The following ANKRD28 variants were observed in gnomAD, a reference collection of about 807,000 sequenced individuals.
ANKRD28 encodes serine/threonine-protein phosphatase 6 regulatory ankyrin repeat subunit A.
ANKRD28 carries 44 observed loss-of-function variants against 126.5 expected under a neutral mutation model. The ratio of observed to expected loss-of-function variants is 0.35; its 90% CI spans 0.27 to 0.45. The LOEUF (loss-of-function observed/expected upper bound fraction) is 0.45. ANKRD28 is among the 20% of genes least tolerant of loss of function. The pLI is 1.00. For missense variants in ANKRD28, 1,110 were observed against 1,316.6 expected (o/e 0.84, Z 2.43); for synonymous variants, 442 against 468.5 (o/e 0.94, Z 0.73).
chr3:15,707,087 A>T (rs150716885), intron 14 of ANKRD28, among the ~76,000 whole-genome samples: 12 of 152,354 alleles, frequency 7.9e-5, no homozygotes, highest in Admixed American at 1.3e-4. Flanking sequence ...TAAATGTTAA[A>T]AACCGAATAA....
chr3:15,848,689 T>C (rs76638168), intron 1 of ANKRD28, among the ~76,000 whole-genome samples: 1 of 150,040 alleles, frequency 6.7e-6, no homozygotes, highest in Non-Finnish European at 1.5e-5. Context: ...AAAAAAAAAA[T>C]ATAGCAGCAG....
chr3:15,761,765 A>C (rs754926116), intron 3 of ANKRD28, among the ~76,000 whole-genome samples: 1 of 152,172 alleles, frequency 6.6e-6, no homozygotes, highest in Non-Finnish European at 1.5e-5. Flanking sequence ...ATCTTCTGTA[A>C]AACTGTCCTA....
At chr3:15,837,705 T>A (rs953029119) in intron 1 of ANKRD28, among the ~76,000 whole-genome samples, 10 of 151,782 alleles carry the variant, frequency 6.6e-5, no homozygotes, top group African/African-American at 2.4e-4. Flanking sequence ...AATTCTCAAG[T>A]GAGCTTCAAC....
rs2061705876 is a variant in ANKRD28, at chr3:15,853,886, C to T, written c.27+5491G>A. The stretch of plus-strand genomic sequence containing the variant: ...AGACACTCTCAATTGTAGATACAAA[C>T]AGGTCATTAATATAGCTATGAGAAA... On this transcript the variant is annotated intron_variant, in intron 1 of 27. Transcript: ENST00000399451. The surrounding 1 kb of genome is among the most constrained non-coding windows in gnomAD (Gnocchi z 4.2). 6.6e-6 allele frequency among the ~76,000 whole-genome samples: 1 copy of T among 152,156 alleles called. No individual in the cohort carries two copies. Among genetic ancestry groups the T allele is most frequent in the African/African-American group, 2.4e-5 (1 of 41,434 alleles).
At chr3:15,793,611 A>G (rs930608541) in intron 2 of ANKRD28, among the ~76,000 whole-genome samples, 1 of 152,234 alleles carries the variant, frequency 6.6e-6, no homozygotes, top group African/African-American at 2.4e-5. Flanking sequence ...AGTATTTGTC[A>G]GTACTATTAA....
At chr3:15,805,651 T>G (rs748858693) in intron 1 of ANKRD28, among the ~76,000 whole-genome samples, 1 of 152,202 alleles carries the variant, frequency 6.6e-6, no homozygotes, top group Admixed American at 6.5e-5. Flanking sequence ...AATTTTGCCC[T>G]TCTTAAAAAA....
intron 1 of ANKRD28, among the ~76,000 whole-genome samples, chr3:15,836,580 C>T (rs1288792651): frequency 6.6e-6 from 1 of 151,992 alleles, no homozygotes; most frequent in African/African-American, 2.4e-5. Context: ...TGCTGTCTAC[C>T]TAACACTTTA....
chr3:15,749,662 TTTAAA>T (rs2057740230), intron 4 of ANKRD28, among the ~76,000 whole-genome samples: 1 of 152,216 alleles, frequency 6.6e-6, no homozygotes. Flanking sequence ...AGGACTACTG[TTTAAA>T]TTATTTTGTC....
chr3:15,734,163 T>G (rs1020803209), intron 6 of ANKRD28, among the ~76,000 whole-genome samples: 2 of 152,246 alleles, frequency 1.3e-5, no homozygotes, highest in African/African-American at 4.8e-5. Flanking sequence ...CATGGCTGAC[T>G]ATGGGACTTC....
intron 4 of ANKRD28, among the ~76,000 whole-genome samples, chr3:15,742,265 C>T (rs1272976572): frequency 1.3e-5 from 2 of 150,762 alleles, no homozygotes; most frequent in African/African-American, 4.9e-5. Context: ...CGTCTCTGCC[C>T]GGCCGCCATC....
At chr3:15,756,360 A>C (rs981178276) in intron 3 of ANKRD28, 1 of 319,100 alleles carries the variant, frequency 3.1e-6, no homozygotes. Context: ...TTTCACCCAT[A>C]TAAAAGTGCA....
intron 10 of ANKRD28, among the ~76,000 whole-genome samples, chr3:15,712,534 T>G (rs892268783): frequency 4.6e-5 from 7 of 152,218 alleles, no homozygotes; most frequent in African/African-American, 1.7e-4. Flanking sequence ...CCAATGGATG[T>G]CATTAACATT....
At chr3:15,723,200 C>A (rs1309391691) in intron 7 of ANKRD28, among the ~76,000 whole-genome samples, 1 of 152,180 alleles carries the variant, frequency 6.6e-6, no homozygotes, top group East Asian at 1.9e-4. Context: ...ATTTTTGCAA[C>A]GTCTTCTTGT....
Position 15,859,436 on chromosome 3 carries a change from C to T in ANKRD28, c.-33G>A, listed in dbSNP as rs1175257923. 2.6e-6 allele frequency: 4 copies of T among 1,510,646 alleles called. No homozygotes were observed. The African/African-American group carries it at 5.8e-5, about 22-fold the overall frequency. 93.6% of individuals were successfully genotyped at this position (1,510,646 alleles called of 1,614,324 possible). ...GCCTCCGCGCCCACTCCAGCCTCCT[C>T]CTCCTCCGCCGCTGCCGCTGCCGCC... On this transcript the variant is annotated 5_prime_UTR_variant, in exon 1 of 28. Coordinates refer to the ANKRD28 transcript ENST00000399451.
intron 7 of ANKRD28, among the ~76,000 whole-genome samples, chr3:15,721,459 A>G (rs2073718845): frequency 6.6e-6 from 1 of 152,234 alleles, no homozygotes. Context: ...AGGATTTACT[A>G]TAGAATTAAT....
intron 1 of ANKRD28, among the ~76,000 whole-genome samples, chr3:15,857,081 T>C (rs2061789130): frequency 6.6e-6 from 1 of 152,238 alleles, no homozygotes; most frequent in African/African-American, 2.4e-5. Flanking sequence ...GTATTTGCTT[T>C]CTATTTCATT....
chr3:15,801,538 G>A (rs1424966123), upstream of ANKRD28, among the ~76,000 whole-genome samples: 1 of 152,138 alleles, frequency 6.6e-6, no homozygotes, highest in African/African-American at 2.4e-5. The surrounding 1 kb of genome is among the most constrained non-coding windows in gnomAD (Gnocchi z 4.9). Flanking sequence ...TTCAAACAAT[G>A]TTATAGAAAA....
At chr3:15,772,427 A>G (rs563086223) in intron 2 of ANKRD28, among the ~76,000 whole-genome samples, 3 of 152,244 alleles carry the variant, frequency 2.0e-5, no homozygotes, top group African/African-American at 7.2e-5. Flanking sequence ...TACAAAAAAC[A>G]AAAAAACCCA....
chr3:15,750,799 T>C (rs902470873), intron 4 of ANKRD28, among the ~76,000 whole-genome samples: 1 of 152,174 alleles, frequency 6.6e-6, no homozygotes, highest in African/African-American at 2.4e-5. Flanking sequence ...AGTCCCATGA[T>C]GGACAGAAGA....
Sources: allele counts gnomAD v4.1 joint callset (sites outside exome capture counted in the v4.1 genomes callset), GRCh38; gene constraint gnomAD v4.1.1; non-coding constraint Gnocchi (gnomAD v3.1); transcripts MANE v1.5; gene names NCBI Gene and HGNC (gene_info 2026-07-23, HGNC 2026-07-21).